The following FANCA variants were observed in gnomAD, a reference collection of about 807,000 sequenced individuals.
FANCA encodes the protein Fanconi anemia group A protein.
FANCA carries 236 observed loss-of-function variants against 194.3 expected under a neutral mutation model. The ratio of observed to expected loss-of-function variants is 1.21; its 90% CI spans 1.09 to 1.35. The LOEUF (loss-of-function observed/expected upper bound fraction) is 1.35. Among genes scored for constraint, FANCA ranks in the 40% most tolerant of loss-of-function variants. The pLI is 0.00. For missense variants in FANCA, 2,628 were observed against 1,813.9 expected (o/e 1.45, Z -8.15); for synonymous variants, 1,014 against 715.8 (o/e 1.42, Z -6.65).
intron 22 of FANCA, among the ~76,000 whole-genome samples, chr16:89,773,020 C>T (rs372981483): frequency 3.9e-5 from 6 of 152,112 alleles, no homozygotes; most frequent in African/African-American, 1.4e-4. Flanking sequence ...TATCATCATT[C>T]GTCCTACTCA....
intron 20 of FANCA, chr16:89,778,566 T>C (rs1047636922): frequency 1.4e-5 from 7 of 498,548 alleles, no homozygotes; most frequent in African/African-American, 6.5e-5. Flanking sequence ...ATGTGGAGGT[T>C]GCAGTGAGCC....
intron 29 of FANCA, among the ~76,000 whole-genome samples, chr16:89,759,119 G>C (rs946610333): frequency 6.6e-6 from 1 of 151,834 alleles, no homozygotes. Flanking sequence ...AGGAGATCGA[G>C]ACCATCCTGG....
chr16:89,748,101 A>G (rs1219166188), intron 33 of FANCA, among the ~76,000 whole-genome samples: 1 of 152,074 alleles, frequency 6.6e-6, no homozygotes, highest in East Asian at 1.9e-4. Context: ...TTGTAGAAAC[A>G]GGGTTTTGTC....
At chr16:89,802,649 C>A (rs1461554805) in intron 8 of FANCA, among the ~76,000 whole-genome samples, 1 of 151,598 alleles carries the variant, frequency 6.6e-6, no homozygotes, top group African/African-American at 2.4e-5. Flanking sequence ...GTGATCCGCC[C>A]GCCTCGTCCT....
intron 38 of FANCA, 150 bp downstream of exon 38, chr16:89,740,654 A>AC (rs973601084): frequency 7.7e-6 from 5 of 650,290 alleles, no homozygotes; most frequent in Non-Finnish European, 1.1e-5. Context: ...AAAAAAAAAA[A>AC]CCCACGGCCT....
At chr16:89,770,129 G>C in intron 25 of FANCA, 37 bp downstream of exon 25, 1 of 1,571,242 alleles carries the variant, frequency 6.4e-7, no homozygotes, top group South Asian at 1.2e-5. Context: ...CCTCAGAGTG[G>C]GCCCCCAAGG....
chr16:89,796,111 C>T (rs1204569476), intron 10 of FANCA, 93 bp from the exon 11 acceptor site: 16 of 955,150 alleles, frequency 1.7e-5, no homozygotes, highest in Non-Finnish European at 2.4e-5. Flanking sequence ...AGGCTCATCC[C>T]TTCTTTAAGC....
chr16:89,807,165 T>C (rs1039862588), intron 6 of FANCA, among the ~76,000 whole-genome samples: 5 of 151,734 alleles, frequency 3.3e-5, no homozygotes, highest in Non-Finnish European at 5.9e-5. Flanking sequence ...GATGTGTATA[T>C]CCTAGGAAGC....
At chr16:89,744,532 G>C (rs571436074) in intron 36 of FANCA, among the ~76,000 whole-genome samples, 1 of 152,086 alleles carries the variant, frequency 6.6e-6, no homozygotes, top group Non-Finnish European at 1.5e-5. Context: ...CTACCAGCAC[G>C]CGGTGCACTC....
chr16:89,773,818 G>A (rs555635120), intron 21 of FANCA, among the ~76,000 whole-genome samples: 23 of 145,580 alleles, frequency 1.6e-4, no homozygotes, highest in African/African-American at 5.4e-4. Flanking sequence ...CTGTCACCAC[G>A]CTGGAGTGCA....
intron 28 of FANCA, among the ~76,000 whole-genome samples, chr16:89,762,460 G>A (rs1301459725): frequency 6.6e-6 from 1 of 151,928 alleles, no homozygotes; most frequent in Non-Finnish European, 1.5e-5. Context: ...CAGGTGTGGT[G>A]GCACATGTGT....
At chr16:89,742,514 T>C (rs1598061943) in intron 37 of FANCA, among the ~76,000 whole-genome samples, 1 of 151,942 alleles carries the variant, frequency 6.6e-6, no homozygotes, top group African/African-American at 2.4e-5. Flanking sequence ...ATAGTCAAAG[T>C]CTTACTCCAA....
chr16:89,778,591 G>T, intron 20 of FANCA: 1 of 517,906 alleles, frequency 1.9e-6, no homozygotes. Flanking sequence ...TCTCGCCTCT[G>T]CACTCCAAGC....
chr16:89,738,075 G>A lies in FANCA; in HGVS notation c.*526C>T. On this transcript the variant is annotated 3_prime_UTR_variant, in exon 43 of 43. Transcript: ENST00000389301. The stretch of plus-strand genomic sequence containing the variant: ...CTGAGCTGGACTTTGCCTGTGACCA[G>A]TGTGGCCGGCGGTTTGAGAAGGCCC... 5.0e-6 allele frequency: 8 copies of A among 1,614,124 alleles called. No individual in the cohort carries two copies. Among genetic ancestry groups the A allele is most frequent in the South Asian group, 2.2e-5 (2 of 91,086 alleles).
intron 26 of FANCA, 179 bp downstream of exon 26, chr16:89,769,658 G>A (rs999401512): frequency 2.0e-5 from 14 of 692,608 alleles, no homozygotes; most frequent in African/African-American, 8.9e-5. Flanking sequence ...AGAAACAAAC[G>A]CACGCATATT....
intron 38 of FANCA, 97 bp downstream of exon 38, chr16:89,740,707 A>C: frequency 1.0e-6 from 1 of 959,862 alleles, no homozygotes; most frequent in South Asian, 1.4e-5. Flanking sequence ...GGAGCTCCTG[A>C]GCTAGTCTGG....
At chr16:89,760,607 C>T (rs2038920374) in intron 29 of FANCA, among the ~76,000 whole-genome samples, 1 of 152,196 alleles carries the variant, frequency 6.6e-6, no homozygotes, top group Admixed American at 6.5e-5. Context: ...ACCCAACGGT[C>T]CTCTGGGCTC....
chr16:89,797,507 G>T (rs1012152059), intron 10 of FANCA, among the ~76,000 whole-genome samples: 2 of 152,134 alleles, frequency 1.3e-5, no homozygotes, highest in African/African-American at 4.8e-5. Flanking sequence ...TCCTCACAGG[G>T]CAGGGCTTTG....
rs772216317 is a variant in FANCA at position 89,738,866 on chromosome 16, G to A, written c.4260+16C>T. On this transcript the variant is annotated intron_variant, in intron 42 of 42. Transcript: ENST00000389301. ...CATGTCCCCCACATGGCCCAAGGTG[G>A]GCATCTTGACGTTACCTCTGCCACG... 1.9e-6 allele frequency: 3 copies of A among 1,614,112 alleles called. No individual in the cohort carries two copies. Among genetic ancestry groups the A allele is most frequent in the African/African-American group, 2.7e-5 (2 of 74,958 alleles).
Sources: gnomAD v4.1 joint callset for allele counts (sites outside exome capture counted in the v4.1 genomes callset) on GRCh38, gnomAD v4.1.1 for gene constraint, MANE v1.5 for transcripts, NCBI Gene and HGNC (gene_info 2026-07-23, HGNC 2026-07-21) for gene names.